The following TAF2 variants were observed in gnomAD, a reference collection of about 807,000 sequenced individuals.
TAF2 encodes the protein TATA-box binding protein associated factor 2.
In TAF2, 61 loss-of-function variants were observed where a neutral mutation model predicts 138.5. The observed-to-expected ratio is 0.44, with a 90% CI of 0.36 to 0.54. The LOEUF is 0.54. TAF2 is among the 20% of genes least tolerant of loss of function. The probability of loss-of-function intolerance (pLI) is 0.00; values close to 1 mark genes in which losing one functional copy is unlikely to be tolerated. For missense variants in TAF2, 1,090 were observed against 1,427.9 expected (o/e 0.76, Z 3.81); for synonymous variants, 475 against 469.9 (o/e 1.01, Z -0.14).
chr8:119,763,975 C>T (rs929318298), intron 18 of TAF2, among the ~76,000 whole-genome samples: 1 of 151,832 alleles, frequency 6.6e-6, no homozygotes, highest in South Asian at 2.1e-4. Context: ...ATGGTGAAAC[C>T]CTGTCTCTAC....
In TAF2 at chr8:119,762,492, T is replaced by TCG. The variant is rs1193660746; in HGVS notation, c.2479_2480dup (p.Leu828AspfsTer11). 1 of 1,613,972 alleles carries TCG rather than the reference T, an allele frequency of 6.2e-7. No individual in the cohort carries two copies. The highest frequency in any genetic ancestry group is 8.5e-7 in the Non-Finnish European group (1 of 1,179,944). ...ATCTGGTGATTTCTTCAAGAATGAGTCGCACATCAGGATTTAAGTTATCCA... is the reference window on the plus strand; with the variant it reads ...ATCTGGTGATTTCTTCAAGAATGAGTCGCGCACATCAGGATTTAAGTTATCCA... On this transcript the variant is annotated frameshift_variant, in exon 19 of 26. Transcript: ENST00000378164. LOFTEE classifies it high-confidence loss of function.
intron 6 of TAF2, among the ~76,000 whole-genome samples, chr8:119,798,840 T>G (rs1824020179): frequency 6.6e-6 from 1 of 152,188 alleles, no homozygotes; most frequent in Non-Finnish European, 1.5e-5. Flanking sequence ...TATGTATTAC[T>G]AATAATCAGG....
chr8:119,819,413 T>C lies in TAF2; in HGVS notation c.232A>G (p.Asn78Asp). 1 of 1,612,912 alleles carries C rather than the reference T, an allele frequency of 6.2e-7. No individual in the cohort carries two copies. The highest frequency in any genetic ancestry group is 1.1e-5 in the South Asian group (1 of 91,058). ...TAAATAAAAGCAGCCTCTAAATCAT[T>C]GATCCTTACTCGGTATATTCTACAC... is the stretch of plus-strand genomic sequence containing the variant. ...KQCRIYRVRINDLEAAFIYND... is the reference protein window; with the variant it reads ...KQCRIYRVRIDDLEAAFIYND... Residue 78 changes from asparagine (N) to aspartate (D), a missense_variant, in exon 3 of 26, where the codon AAT (asparagine) becomes GAT (aspartate). Physicochemically the swap from Asn to Asp is conservative, Grantham distance 23 (BLOSUM62 1). Around this residue, in one of 3 missense-constraint regions of TAF2, gnomAD observed 504 missense variants for 680.9 expected, o/e 0.74. Coordinates refer to ENST00000378164, the MANE Select transcript of TAF2 (RefSeq NM_003184.4).
intron 5 of TAF2, among the ~76,000 whole-genome samples, chr8:119,803,668 AG>A (rs1391653252): frequency 2.0e-5 from 3 of 150,810 alleles, no homozygotes; most frequent in African/African-American, 7.4e-5. Flanking sequence ...TATTCCAACA[AG>A]GGTGACAGAG....
intron 3 of TAF2, among the ~76,000 whole-genome samples, chr8:119,818,482 T>C (rs1451949783): frequency 6.6e-6 from 1 of 152,108 alleles, no homozygotes; most frequent in African/African-American, 2.4e-5. Context: ...GCAAGTGCCC[T>C]CAACTGTACT....
chr8:119,796,933 G>A lies in TAF2; in HGVS notation c.1091+57C>T, dbSNP rs1823867492. On this transcript the variant is annotated intron_variant, in intron 8 of 25. Coordinates refer to ENST00000378164, the MANE Select transcript of TAF2 (RefSeq NM_003184.4). Reference sequence around the variant, plus strand: ...AAAGGTCAGCTTAAATGCAGAGAAAGAAAAGAAAAATAAACTTGATTCTCT... The same window carrying A: ...AAAGGTCAGCTTAAATGCAGAGAAAAAAAAGAAAAATAAACTTGATTCTCT... The A allele has an allele frequency of 2.3e-6, 3 of 1,289,114 alleles. No homozygotes were observed. The Admixed American group carries it at 5.1e-5, about 22-fold the overall frequency. 79.9% of individuals were successfully genotyped at this position (1,289,114 alleles called of 1,614,324 possible). A position where few individuals can be genotyped will look rare whatever the true frequency, so the allele number is the denominator to read the frequency against.
At chr8:119,814,506 C>T (rs1197686658) in intron 3 of TAF2, among the ~76,000 whole-genome samples, 1 of 151,742 alleles carries the variant, frequency 6.6e-6, no homozygotes, top group Non-Finnish European at 1.5e-5. Context: ...CATTTATATA[C>T]TAAAATAGAT....
chr8:119,749,317 C>T (rs1247749549), intron 22 of TAF2, among the ~76,000 whole-genome samples: 2 of 152,088 alleles, frequency 1.3e-5, no homozygotes, highest in South Asian at 2.1e-4. Flanking sequence ...GAATGAACAC[C>T]ACTGTTTTGT....
intron 22 of TAF2, among the ~76,000 whole-genome samples, chr8:119,755,780 T>C (rs992342264): frequency 1.3e-5 from 2 of 152,108 alleles, no homozygotes; most frequent in Admixed American, 6.5e-5. Context: ...GACACTTTCA[T>C]ACAAATAAAG....
intron 22 of TAF2, among the ~76,000 whole-genome samples, chr8:119,752,290 A>C (rs1820405422): frequency 6.6e-6 from 1 of 152,196 alleles, no homozygotes; most frequent in South Asian, 2.1e-4. Context: ...GAGTGAATAT[A>C]CACATATATA....
intron 3 of TAF2, among the ~76,000 whole-genome samples, chr8:119,813,087 C>T: frequency 6.6e-6 from 1 of 152,146 alleles, no homozygotes. Flanking sequence ...TTTACCATAT[C>T]CACGCCAACA....
intron 23 of TAF2, 75 bp from the exon 24 acceptor site, chr8:119,744,468 A>G (rs1482068858): frequency 7.6e-6 from 10 of 1,319,802 alleles, no homozygotes; most frequent in South Asian, 1.2e-5. Context: ...AGCTCTTAGG[A>G]AAAGTAGCAG....
intron 3 of TAF2, among the ~76,000 whole-genome samples, chr8:119,814,404 T>C (rs539386225): frequency 4.3e-4 from 65 of 152,074 alleles, no homozygotes; most frequent in Middle Eastern, 3.4e-3. Flanking sequence ...TTAAACTCCA[T>C]GTAGAAGTCT....
At chr8:119,818,486 C>T (rs1825619572) in intron 3 of TAF2, among the ~76,000 whole-genome samples, 2 of 152,124 alleles carry the variant, frequency 1.3e-5, no homozygotes, top group Non-Finnish European at 2.9e-5. Context: ...GTGCCCTCAA[C>T]TGTACTTGAT....
intron 21 of TAF2, among the ~76,000 whole-genome samples, chr8:119,757,416 A>G (rs1820772167): frequency 6.6e-6 from 1 of 152,122 alleles, no homozygotes; most frequent in Non-Finnish European, 1.5e-5. Flanking sequence ...TATTTCTAAG[A>G]GCCGATCAGT....
At chr8:119,827,786 C>T (rs1225708164) in intron 2 of TAF2, among the ~76,000 whole-genome samples, 8 of 150,666 alleles carry the variant, frequency 5.3e-5, no homozygotes, top group African/African-American at 2.0e-4. Context: ...TCTTGTTGCC[C>T]AGGCTGGAGT....
intron 4 of TAF2, 111 bp downstream of exon 4, chr8:119,806,172 G>C: frequency 1.0e-6 from 1 of 961,614 alleles, no homozygotes; most frequent in Admixed American, 1.7e-5. Context: ...AAAGTGCTGG[G>C]ATTACAGGCA....
chr8:119,811,989 G>C (rs1291738901), intron 3 of TAF2, among the ~76,000 whole-genome samples: 1 of 151,522 alleles, frequency 6.6e-6, no homozygotes, highest in Non-Finnish European at 1.5e-5. Flanking sequence ...TTTAAATTTA[G>C]AGCGTTTACA....
chr8:119,736,774 C>T (rs1410188249), intron 25 of TAF2, among the ~76,000 whole-genome samples: 1 of 152,158 alleles, frequency 6.6e-6, no homozygotes, highest in East Asian at 1.9e-4. Context: ...GTCGACCAGA[C>T]ATTGTATGCT....
Sources: allele counts gnomAD v4.1 joint callset (sites outside exome capture counted in the v4.1 genomes callset), GRCh38; gene constraint gnomAD v4.1.1; regional missense constraint gnomAD v4.1.1; transcripts MANE v1.5; gene names NCBI Gene and HGNC (gene_info 2026-07-23, HGNC 2026-07-21).